L2HGDH: variants seen among roughly 807,000 people sequenced by gnomAD.
The protein encoded by L2HGDH is L-2-hydroxyglutarate dehydrogenase, mitochondrial.
In L2HGDH, 34 loss-of-function variants were observed where a neutral mutation model predicts 51.5. That is an observed-to-expected ratio of 0.66 (90% CI 0.50 to 0.88). The LOEUF (loss-of-function observed/expected upper bound fraction) is 0.88. L2HGDH is among the 40% of genes least tolerant of loss of function. The pLI, the probability that L2HGDH is intolerant of heterozygous loss-of-function variation, is 0.00. For missense variants in L2HGDH, 558 were observed against 571.9 expected, an observed-to-expected ratio of 0.98 and a Z score of 0.25; for synonymous variants, 198 against 197.9, an observed-to-expected ratio of 1.00 and a Z score of -0.01.
chr14:50,260,416 T>C (rs1289868702), intron 9 of L2HGDH, among the ~76,000 whole-genome samples: 1 of 152,182 alleles, frequency 6.6e-6, no homozygotes, highest in South Asian at 2.1e-4. Flanking sequence ...TGTACAATTA[T>C]CGAAATTTAC....
At position 50,309,510 on chromosome 14, in the gene L2HGDH, C is replaced by T. The variant is rs555244590; in HGVS notation, c.140+2501G>A. ...CTAGGAGACAGAGGTTGCAGTGAGC[C>T]AAGATCATGCCACTGTACTCCAGCC... On this transcript the variant is annotated intron_variant, in intron 1 of 9. Transcript: ENST00000267436. Among the ~76,000 whole-genome samples the T allele has an allele frequency of 2.0e-5, 3 of 150,770 alleles. No homozygotes were observed. The South Asian group carries it at 6.3e-4, about 31-fold the overall frequency.
intron 3 of L2HGDH, among the ~76,000 whole-genome samples, chr14:50,298,105 A>T (rs1422464154): frequency 6.6e-6 from 1 of 151,914 alleles, no homozygotes; most frequent in African/African-American, 2.4e-5. Flanking sequence ...TTAGCCAGGC[A>T]TGGTGGCGTG....
intron 3 of L2HGDH, among the ~76,000 whole-genome samples, chr14:50,301,669 G>C (rs1675175157): frequency 6.6e-6 from 1 of 152,154 alleles, no homozygotes; most frequent in African/African-American, 2.4e-5. Flanking sequence ...CATCGGGGGA[G>C]GTAGAAATGG....
At chr14:50,283,339 C>T (rs1326364884) in intron 5 of L2HGDH, among the ~76,000 whole-genome samples, 2 of 152,066 alleles carry the variant, frequency 1.3e-5, no homozygotes, top group Admixed American at 6.6e-5. Flanking sequence ...TCAGAAGTGT[C>T]GGACCACCGC....
chr14:50,297,652 A>G (rs1217817239), intron 3 of L2HGDH, among the ~76,000 whole-genome samples: 2 of 152,356 alleles, frequency 1.3e-5, no homozygotes, highest in East Asian at 1.9e-4. Flanking sequence ...TCTCAAGGAT[A>G]GACCAATATG....
chr14:50,269,247 AGGAGTGCAGCCACTCAACTCT>A lies in L2HGDH; in HGVS notation c.801_821del (p.Glu268_Pro274del). 6.2e-7 allele frequency: 1 copy of A among 1,613,938 alleles called. No homozygotes were observed. The highest frequency in any genetic ancestry group is 8.5e-7 in the Non-Finnish European group (1 of 1,179,832). ...CCCGGAATGGTACAATTCGAGGATCAGGAGTGCAGCCACTCAACTCTGAAATACGGTCTGAGTAAAGTCCTG... is the reference window on the plus strand; with the variant it reads ...CCCGGAATGGTACAATTCGAGGATCAGAAATACGGTCTGAGTAAAGTCCTG... On this transcript the variant is annotated inframe_deletion, in exon 7 of 10. Transcript: ENST00000267436.
Position 50,261,493 on chromosome 14 carries a change from A to C in L2HGDH, c.1196+3865T>G, listed in dbSNP as rs138118847. ...AAATTTTTAAAGTTTAGAGCTATAT[A>C]TATATTTGAGACAGGGTCTTGTTCT... On this transcript the variant is annotated intron_variant, in intron 9 of 9. Transcript: ENST00000267436. 2.0e-3 allele frequency among the ~76,000 whole-genome samples: 300 copies of C among 152,262 alleles called. 1 individual carries two copies. The highest frequency in any genetic ancestry group is 6.4e-3 in the African/African-American group (266 of 41,536).
chr14:50,293,430 C>T, intron 4 of L2HGDH: 1 of 445,356 alleles, frequency 2.2e-6, no homozygotes, highest in South Asian at 5.4e-5. Flanking sequence ...CTGGGCTAGG[C>T]AAAGATTTCT....
rs554295046 is a variant in L2HGDH at position 50,259,010 on chromosome 14, C to CT, written c.1196+6347dup. Among the ~76,000 whole-genome samples the CT allele has an allele frequency of 7.8e-3, 949 of 121,466 alleles. 9 individuals carry two copies. Among genetic ancestry groups the CT allele is most frequent in the African/African-American group, 0.016 (517 of 32,104 alleles). 79.7% of individuals were successfully genotyped at this position (121,466 alleles called of 152,430 possible). On this transcript the variant is annotated intron_variant, in intron 9 of 9. Transcript: ENST00000267436. Reference sequence around the variant, plus strand: ...CATATGCGCACCACCACGCCAGGCTCTTTTTTTTTTTTTTTTTTTTAATTT... The same window carrying CT: ...CATATGCGCACCACCACGCCAGGCTCTTTTTTTTTTTTTTTTTTTTTAATTT...
chr14:50,271,425 T>TATCACAGGTTTTTGATTTCAGAG (rs2139988697), intron 6 of L2HGDH, among the ~76,000 whole-genome samples: 1 of 152,324 alleles, frequency 6.6e-6, no homozygotes, highest in South Asian at 2.1e-4. Context: ...TATCAAAAAC[T>TATCACAGGTTTTTGATTTCAGAG]ATCACAGGTC....
chr14:50,302,311 T>G, intron 2 of L2HGDH, 143 bp from the exon 3 acceptor site: 1 of 801,206 alleles, frequency 1.2e-6, no homozygotes, highest in Non-Finnish European at 2.1e-6. Context: ...ACTGGTAACT[T>G]CTTCTAACAT....
At chr14:50,275,728 G>A (rs1384995447) in intron 6 of L2HGDH, among the ~76,000 whole-genome samples, 1 of 152,166 alleles carries the variant, frequency 6.6e-6, no homozygotes, top group Non-Finnish European at 1.5e-5. Context: ...TGCTCCATGT[G>A]CTCTAAATCA....
Position 50,245,347 on chromosome 14 carries a change from T to C in L2HGDH, c.*1711A>G, listed in dbSNP as rs78256403. Reference sequence around the variant, plus strand: ...AAAACTGCTCTCATAAAAATCTGTCTCTTCTAAGTTATTTCAGTTCTCAGC... The same window carrying C: ...AAAACTGCTCTCATAAAAATCTGTCCCTTCTAAGTTATTTCAGTTCTCAGC... On this transcript the variant is annotated 3_prime_UTR_variant, in exon 10 of 10. Coordinates refer to ENST00000267436, the MANE Select transcript of L2HGDH (RefSeq NM_024884.3). 2.2e-3 allele frequency: 2,141 copies of C among 985,378 alleles called. 35 individuals carry two copies. The African/African-American group carries it at 0.035, about 16-fold the overall frequency. The allele number at this position is 985,378 out of a possible 1,614,324, so 61.0% of individuals were successfully genotyped here.
In L2HGDH at chr14:50,244,712, G is replaced by T; in HGVS notation, c.*2346C>A. ...TGAAGTGTAGCCTTTCAAATTAATGGATGAGGTAGCTCAATCAATGTAATC... is the reference window on the plus strand; with the variant it reads ...TGAAGTGTAGCCTTTCAAATTAATGTATGAGGTAGCTCAATCAATGTAATC... On this transcript the variant is annotated 3_prime_UTR_variant, in exon 10 of 10. Coordinates refer to ENST00000267436, the MANE Select transcript of L2HGDH (RefSeq NM_024884.3). The T allele has an allele frequency of 2.0e-6, 2 of 985,394 alleles. No individual in the cohort carries two copies. The highest frequency in any genetic ancestry group is 2.4e-6 in the Non-Finnish European group (2 of 829,924). 61.0% of individuals were successfully genotyped at this position (985,394 alleles called of 1,614,324 possible).
chr14:50,285,605 T>C (rs1397384146), intron 4 of L2HGDH, among the ~76,000 whole-genome samples: 2 of 152,230 alleles, frequency 1.3e-5, no homozygotes, highest in African/African-American at 4.8e-5. Flanking sequence ...CTTCCTTACC[T>C]ACCATAAAAT....
At position 50,244,345 on chromosome 14, in the gene L2HGDH, T is replaced by C. The variant is rs1887913798; in HGVS notation, c.*2713A>G. On this transcript the variant is annotated 3_prime_UTR_variant, in exon 10 of 10. Transcript: ENST00000267436. ...TTCTCCACATCCTCTCCAGCACCTG[T>C]TGTTTCCTTTTCAGGGTATTGTACA... 1 of 976,990 alleles carries C rather than the reference T, an allele frequency of 1.0e-6. No homozygotes were observed. The highest frequency in any genetic ancestry group is 1.2e-6 in the Non-Finnish European group (1 of 822,326). 60.5% of individuals were successfully genotyped at this position (976,990 alleles called of 1,614,324 possible).
Position 50,302,037 on chromosome 14 carries a change from A to AT in L2HGDH, c.387_388insA (p.Ser130IlefsTer13). On this transcript the variant is annotated frameshift_variant, in exon 3 of 10. Coordinates refer to ENST00000267436, the MANE Select transcript of L2HGDH (RefSeq NM_024884.3). LOFTEE classifies it high-confidence loss of function. ...CATACCTTGCCACACTGCTTGTAGG[A>AT]AATTCCCTTTTGCTGACAGTACTCA... The AT allele has an allele frequency of 6.2e-7, 1 of 1,614,156 alleles. No individual in the cohort carries two copies. Among genetic ancestry groups the AT allele is most frequent in the East Asian group, 2.2e-5 (1 of 44,868 alleles).
chr14:50,265,218 G>A, intron 9 of L2HGDH, 140 bp downstream of exon 9: 2 of 690,206 alleles, frequency 2.9e-6, no homozygotes, highest in Non-Finnish European at 5.1e-6. Context: ...TCAACAACAT[G>A]TTGGGAAAGA....
chr14:50,262,978 A>T (rs1889123448), intron 9 of L2HGDH, among the ~76,000 whole-genome samples: 1 of 152,188 alleles, frequency 6.6e-6, no homozygotes, highest in South Asian at 2.1e-4. Context: ...TGAAATTGGT[A>T]ACAGAAATTC....
Sources: gnomAD v4.1 joint callset for allele counts (sites outside exome capture counted in the v4.1 genomes callset) on GRCh38, gnomAD v4.1.1 for gene constraint, MANE v1.5 for transcripts, NCBI Gene and HGNC (gene_info 2026-07-23, HGNC 2026-07-21) for gene names.